SNX24: variants seen among roughly 807,000 people sequenced by gnomAD.
SNX24 encodes the protein sorting nexin-24.
In SNX24, 22 loss-of-function variants were observed where a neutral mutation model predicts 28.7. The ratio of observed to expected loss-of-function variants is 0.77; its 90% CI spans 0.55 to 1.10. The LOEUF (loss-of-function observed/expected upper bound fraction) is 1.10. Among genes scored for constraint, SNX24 ranks in the 50% least tolerant of loss-of-function variants. The probability of loss-of-function intolerance (pLI) is 0.00; values close to 1 mark genes in which losing one functional copy is unlikely to be tolerated. For missense variants in SNX24, 221 were observed against 201.1 expected, an observed-to-expected ratio of 1.10 and a Z score of -0.60; for synonymous variants, 69 against 71.5, an observed-to-expected ratio of 0.96 and a Z score of 0.18.
intron 3 of SNX24, among the ~76,000 whole-genome samples, chr5:122,989,723 G>A (rs1017895113): frequency 1.3e-5 from 2 of 152,174 alleles, no homozygotes; most frequent in Non-Finnish European, 2.9e-5. Flanking sequence ...GGTGTAATCT[G>A]GAAAACTCCC....
chr5:122,952,080 T>G (rs1759968089), intron 3 of SNX24, among the ~76,000 whole-genome samples: 1 of 152,258 alleles, frequency 6.6e-6, no homozygotes, highest in South Asian at 2.1e-4. Flanking sequence ...TCAAGCTATG[T>G]GTATATGATA....
intron 5 of SNX24, among the ~76,000 whole-genome samples, chr5:123,019,162 TA>T (rs1210307826): frequency 6.6e-6 from 1 of 152,110 alleles, no homozygotes; most frequent in East Asian, 1.9e-4. Flanking sequence ...ATATCACACC[TA>T]AAACTTACTC....
intron 3 of SNX24, among the ~76,000 whole-genome samples, chr5:122,976,303 A>C (rs1323979829): frequency 6.6e-6 from 1 of 151,946 alleles, no homozygotes; most frequent in South Asian, 2.1e-4. Context: ...TAAAAAAAAA[A>C]AAAAAAACAG....
intron 3 of SNX24, among the ~76,000 whole-genome samples, chr5:122,947,850 C>G (rs1055631565): frequency 6.6e-6 from 1 of 152,254 alleles, no homozygotes; most frequent in South Asian, 2.1e-4. Flanking sequence ...AAGCTCTACT[C>G]TGTTCCCCTC....
At chr5:122,847,894 G>T (rs542405655) in intron 1 of SNX24, among the ~76,000 whole-genome samples, 1 of 151,832 alleles carries the variant, frequency 6.6e-6, no homozygotes, top group African/African-American at 2.4e-5. Flanking sequence ...ATTGTACAGC[G>T]GTTTTTCATT....
intron 3 of SNX24, among the ~76,000 whole-genome samples, chr5:122,950,879 A>C (rs1212167942): frequency 6.6e-6 from 1 of 152,156 alleles, no homozygotes; most frequent in Non-Finnish European, 1.5e-5. Flanking sequence ...TAATGCTTAG[A>C]AATTTTGAGT....
chr5:122,993,500 C>G (rs1035565273), intron 3 of SNX24, among the ~76,000 whole-genome samples: 9 of 152,096 alleles, frequency 5.9e-5, no homozygotes, highest in Admixed American at 3.3e-4. Context: ...CGGGGTTTCA[C>G]TGTGATAGCA....
intron 3 of SNX24, among the ~76,000 whole-genome samples, chr5:122,960,627 C>G (rs1413265344): frequency 6.6e-6 from 1 of 152,060 alleles, no homozygotes; most frequent in Non-Finnish European, 1.5e-5. Context: ...GTGCAGACCC[C>G]CAAGTTCTTA....
intron 1 of SNX24, among the ~76,000 whole-genome samples, chr5:122,878,386 GGA>G (rs1367437756): frequency 2.0e-5 from 3 of 152,136 alleles, no homozygotes; most frequent in Admixed American, 1.3e-4. Flanking sequence ...AAGAAAGCTG[GGA>G]GAGAGTGAGG....
intron 1 of SNX24, among the ~76,000 whole-genome samples, chr5:122,873,760 CTTTTT>C (rs909560379): frequency 8.3e-6 from 1 of 120,642 alleles, no homozygotes. Context: ...CAAAGGGAAT[CTTTTT>C]TTTTTTTTTT....
intron 3 of SNX24, among the ~76,000 whole-genome samples, chr5:122,993,096 A>G (rs545374755): frequency 6.6e-6 from 1 of 152,048 alleles, no homozygotes; most frequent in South Asian, 2.1e-4. Flanking sequence ...AAGATACTCT[A>G]TAAAGCCCTG....
intron 1 of SNX24, among the ~76,000 whole-genome samples, chr5:122,896,717 A>G (rs527491161): frequency 2.0e-5 from 3 of 152,346 alleles, no homozygotes; most frequent in East Asian, 1.9e-4. Context: ...AAAAAGTCTT[A>G]TAAGTCTTGC....
intron 1 of SNX24, among the ~76,000 whole-genome samples, chr5:122,921,046 T>C (rs246269): frequency 0.77 from 117,022 of 152,066 alleles, 45,908 homozygotes; most frequent in East Asian, 0.99. Context: ...TTTTTTTCTC[T>C]CAGCATTTTT....
chr5:122,906,047 C>T (rs1757634939), intron 1 of SNX24, among the ~76,000 whole-genome samples: 1 of 152,192 alleles, frequency 6.6e-6, no homozygotes, highest in African/African-American at 2.4e-5. Flanking sequence ...ACAAGCACTT[C>T]AGGTATATAC....
chr5:123,001,423 G>A lies in SNX24; in HGVS notation c.363G>A (p.Glu121=). 1.9e-6 allele frequency: 3 copies of A among 1,605,940 alleles called. No homozygotes were observed. The highest frequency in any genetic ancestry group is 1.7e-6 in the Non-Finnish European group (2 of 1,173,694). ...AESCGSFDET[E]SEESSKLSHQ... ...CTTTTAGATCTTTTGATGAAACAGAGTCTGAAGAGTCAAGGTAAGGACTAA... is the reference window on the plus strand; with the variant it reads ...CTTTTAGATCTTTTGATGAAACAGAATCTGAAGAGTCAAGGTAAGGACTAA... The change falls in exon 5 of 7, where the codon GAG becomes GAA. Residue 121 remains glutamate, a synonymous_variant. Transcript: ENST00000261369.
At chr5:122,905,411 C>T (rs1027907895) in intron 1 of SNX24, among the ~76,000 whole-genome samples, 7 of 152,316 alleles carry the variant, frequency 4.6e-5, no homozygotes, top group African/African-American at 1.7e-4. Flanking sequence ...CAGCCACTCA[C>T]TCAGGAGGCT....
intron 1 of SNX24, among the ~76,000 whole-genome samples, chr5:122,866,812 G>C (rs1043594932): frequency 6.6e-5 from 10 of 152,180 alleles, no homozygotes; most frequent in African/African-American, 2.4e-4. Context: ...TTGATTTAAA[G>C]ACATGAGCAT....
chr5:123,026,110 C>A, intron 5 of SNX24: 1 of 690,900 alleles, frequency 1.4e-6, no homozygotes, highest in South Asian at 2.3e-5. Context: ...CATAAGCAGA[C>A]ATGAAGGAGG....
intron 3 of SNX24, among the ~76,000 whole-genome samples, chr5:122,969,146 A>G (rs1229017051): frequency 2.6e-5 from 4 of 152,160 alleles, no homozygotes; most frequent in African/African-American, 9.7e-5. Context: ...TTTTGTTTAT[A>G]ATTTATTTAT....
Sources: allele counts gnomAD v4.1 joint callset (sites outside exome capture counted in the v4.1 genomes callset), GRCh38; gene constraint gnomAD v4.1.1; transcripts MANE v1.5; gene names NCBI Gene and HGNC (gene_info 2026-07-23, HGNC 2026-07-21).